ANKRD34C: variants seen among roughly 807,000 people sequenced by gnomAD.
ANKRD34C encodes the protein ankyrin repeat domain-containing protein 34C.
For synonymous variants in ANKRD34C, 260 were observed against 253.6 expected, an observed-to-expected ratio of 1.03 and a Z score of -0.24; for missense variants, 563 against 653.0, an observed-to-expected ratio of 0.86 and a Z score of 1.50.
intron 1 of ANKRD34C, among the ~76,000 whole-genome samples, chr15:79,288,254 T>G (rs1230500981): frequency 6.6e-6 from 1 of 152,046 alleles, no homozygotes; most frequent in Non-Finnish European, 1.5e-5. Flanking sequence ...GGAGTAGGAA[T>G]GAAGGAAAAT....
chr15:79,297,889 G>A lies in ANKRD34C; in HGVS notation c.*2997G>A, dbSNP rs1009708441. 6.0e-6 allele frequency: 1 copy of A among 166,230 alleles called. No homozygotes were observed. The highest frequency in any genetic ancestry group is 1.5e-5 in the Non-Finnish European group (1 of 68,106). The allele number at this position is 166,230 out of a possible 1,614,324, so 10.3% of individuals were successfully genotyped here. On this transcript the variant is annotated 3_prime_UTR_variant, in exon 2 of 2. Transcript: ENST00000421388. Reference sequence around the variant, plus strand: ...TAATTCAACTGCTTAAGCATTTCTGGACTGTTTATCAAAATATATTACAGA... The same window carrying A: ...TAATTCAACTGCTTAAGCATTTCTGAACTGTTTATCAAAATATATTACAGA...
chr15:79,285,132 A>T (rs1164287341), intron 1 of ANKRD34C, among the ~76,000 whole-genome samples: 1 of 152,256 alleles, frequency 6.6e-6, no homozygotes, highest in East Asian at 1.9e-4. Context: ...GTGAAACAAG[A>T]TTAAGGCTAT....
intron 1 of ANKRD34C, chr15:79,283,513 G>A (rs1327966966): frequency 6.6e-6 from 1 of 152,346 alleles, no homozygotes; most frequent in Non-Finnish European, 1.5e-5. Flanking sequence ...AGGGACTGAA[G>A]GGGAAGAAAG....
intron 1 of ANKRD34C, among the ~76,000 whole-genome samples, chr15:79,291,248 G>C (rs8031173): frequency 0.043 from 6,543 of 152,280 alleles, 486 homozygotes; most frequent in African/African-American, 0.15. Context: ...AAAAACACAT[G>C]AAGAATCGTG....
rs2141198686 is a variant in ANKRD34C at position 79,283,215 on chromosome 15, A to G, written c.-58A>G. On this transcript the variant is annotated 5_prime_UTR_variant, in exon 1 of 2. Coordinates refer to ENST00000421388, the MANE Select transcript of ANKRD34C (RefSeq NM_001146341.2). The stretch of plus-strand genomic sequence containing the variant: ...TGGACCCAGGTGGCCTCGCTCGGCG[A>G]TTGTCCCCACCAGGTAAGCGCACCC... Among the ~76,000 whole-genome samples the G allele has an allele frequency of 6.6e-6, 1 of 152,262 alleles. No homozygotes were observed. The highest frequency in any genetic ancestry group is 2.4e-5 in the African/African-American group (1 of 41,568).
intron 1 of ANKRD34C, 72 bp from the exon 2 acceptor site, chr15:79,293,169 C>A (rs2058663837): frequency 8.7e-7 from 1 of 1,155,116 alleles, no homozygotes; most frequent in Non-Finnish European, 1.2e-6. Context: ...TGTACCCAGA[C>A]CCCGTAATAA....
rs994394957 is a variant in ANKRD34C at position 79,285,699 on chromosome 15, A to C, written c.-45+2471A>C. ...CAATTGTAAGACTACGGAGAATGAC[A>C]GGGCCTTTTCAAACTGAAGAGTGAA... On this transcript the variant is annotated intron_variant, in intron 1 of 1. Coordinates refer to ENST00000421388, the MANE Select transcript of ANKRD34C (RefSeq NM_001146341.2). Among the ~76,000 whole-genome samples, 3 of 152,226 alleles carry C rather than the reference A, an allele frequency of 2.0e-5. No homozygotes were observed. In the South Asian group the frequency reaches 6.2e-4, roughly 32 times the overall value.
rs2058633231 is a variant in ANKRD34C, at chr15:79,283,137, GC to G, written c.-135del. On this transcript the variant is annotated 5_prime_UTR_variant, in exon 1 of 2. Coordinates refer to ENST00000421388, the MANE Select transcript of ANKRD34C (RefSeq NM_001146341.2). ...CCAACCCGCAGCTGCAGGTAGGGGT[GC>G]TGGACGCCCCCTGATTTTGTTTTGG... Among the ~76,000 whole-genome samples the G allele has an allele frequency of 6.6e-6, 1 of 152,234 alleles. No individual in the cohort carries two copies. Among genetic ancestry groups the G allele is most frequent in the Non-Finnish European group, 1.5e-5 (1 of 68,034 alleles).
chr15:79,286,902 CCAT>C (rs1289494264), intron 1 of ANKRD34C, among the ~76,000 whole-genome samples: 1 of 152,202 alleles, frequency 6.6e-6, no homozygotes, highest in Non-Finnish European at 1.5e-5. Flanking sequence ...CCCACCACCA[CCAT>C]GCACTAACCA....
intron 1 of ANKRD34C, among the ~76,000 whole-genome samples, chr15:79,284,774 T>C (rs1261088976): frequency 1.3e-5 from 2 of 152,172 alleles, no homozygotes; most frequent in East Asian, 1.9e-4. Flanking sequence ...TTCTACTTGT[T>C]TGGCAAAATG....
At chr15:79,287,106 C>A (rs1215079566) in intron 1 of ANKRD34C, among the ~76,000 whole-genome samples, 1 of 152,154 alleles carries the variant, frequency 6.6e-6, no homozygotes, top group Non-Finnish European at 1.5e-5. Flanking sequence ...CTCATGTCTC[C>A]TTGTTTTATA....
intron 1 of ANKRD34C, among the ~76,000 whole-genome samples, chr15:79,289,388 G>GA (rs2058653830): frequency 6.6e-6 from 1 of 152,196 alleles, no homozygotes; most frequent in Non-Finnish European, 1.5e-5. Flanking sequence ...CCACAGAAAA[G>GA]AACCTGTATG....
In ANKRD34C at chr15:79,294,434, A is replaced by G. The variant is rs1159177579; in HGVS notation, c.1150A>G (p.Ile384Val). ...GGAAAATGACCTCTATGACTTAGAT[A>G]TACAGCCAGGGCCTGACCCTCCCAA... ...WLENDLYDLDIQPGPDPPNSI... is the reference protein window; with the variant it reads ...WLENDLYDLDVQPGPDPPNSI... The change falls in exon 2 of 2, where the codon ATA becomes GTA. Residue 384 changes from isoleucine to valine, a missense_variant. Ile to Val is a conservative substitution (Grantham distance 29, BLOSUM62 3). Coordinates refer to ENST00000421388, the MANE Select transcript of ANKRD34C (RefSeq NM_001146341.2). 2 of 1,551,698 alleles carry G rather than the reference A, an allele frequency of 1.3e-6. No individual in the cohort carries two copies. Among genetic ancestry groups the G allele is most frequent in the Admixed American group, 2.0e-5 (1 of 51,006 alleles).
At position 79,296,245 on chromosome 15, in the gene ANKRD34C, G is replaced by A. The variant is rs972651431; in HGVS notation, c.*1353G>A. 3 of 166,660 alleles carry A rather than the reference G, an allele frequency of 1.8e-5. No homozygotes were observed. The highest frequency in any genetic ancestry group is 4.4e-5 in the Non-Finnish European group (3 of 68,112). The allele number at this position is 166,660 out of a possible 1,614,324, so 10.3% of individuals were successfully genotyped here. A position where few individuals can be genotyped will look rare whatever the true frequency, so the allele number is the denominator to read the frequency against. On this transcript the variant is annotated 3_prime_UTR_variant, in exon 2 of 2. Coordinates refer to ENST00000421388, the MANE Select transcript of ANKRD34C (RefSeq NM_001146341.2). ...TCATTTACCAGCTGCGTGACCTTGA[G>A]GAGGCAGCTTAACTTCTCTTAGTCT...
In ANKRD34C at chr15:79,294,264, C is replaced by A; in HGVS notation, c.980C>A (p.Ala327Glu). ...VLKIPVSSAP[A>E]SWKAAYEKGQ... ...AAGATTCCAGTCTCTTCAGCACCGGCATCCTGGAAAGCAGCCTATGAGAAA... is the reference window on the plus strand; with the variant it reads ...AAGATTCCAGTCTCTTCAGCACCGGAATCCTGGAAAGCAGCCTATGAGAAA... Residue 327 changes from alanine to glutamate, a missense_variant, in exon 2 of 2, where the codon GCA (alanine) becomes GAA (glutamate). Transcript: ENST00000421388. The A allele has an allele frequency of 6.4e-7, 1 of 1,551,670 alleles. No homozygotes were observed. Among genetic ancestry groups the A allele is most frequent in the Non-Finnish European group, 8.7e-7 (1 of 1,146,972 alleles).
chr15:79,286,031 T>A (rs974454098), intron 1 of ANKRD34C, among the ~76,000 whole-genome samples: 2 of 152,172 alleles, frequency 1.3e-5, no homozygotes, highest in Non-Finnish European at 2.9e-5. Context: ...ATCAGGACAA[T>A]AATAGCAAAC....
intron 1 of ANKRD34C, among the ~76,000 whole-genome samples, chr15:79,291,589 C>T (rs925748936): frequency 1.7e-5 from 2 of 118,488 alleles, no homozygotes; most frequent in East Asian, 6.2e-4. Flanking sequence ...CACACACACA[C>T]ACACACACAC....
rs78265945 is a variant in ANKRD34C, at chr15:79,285,629, A to C, written c.-45+2401A>C. On this transcript the variant is annotated intron_variant, in intron 1 of 1. Transcript: ENST00000421388. ...ATTTTACTTTCATACACAAACCCGC[A>C]TCCCTATACAGGCCAGTTAAGTAAC... Among the ~76,000 whole-genome samples the C allele has an allele frequency of 3.4e-3, 521 of 152,330 alleles. 4 individuals carry two copies. Among genetic ancestry groups the C allele is most frequent in the East Asian group, 0.026 (137 of 5,190 alleles).
Position 79,294,470 on chromosome 15 carries a change from C to G in ANKRD34C, c.1186C>G (p.Leu396Val), listed in dbSNP as rs764698533. ...GCCTGACCCTCCCAACTCCATTTCC[C>G]TTGAATCCGGCAAAGGACCTTTAGA... ...PGPDPPNSISLESGKGPLDRK... is the reference protein window; with the variant it reads ...PGPDPPNSISVESGKGPLDRK... The change falls in exon 2 of 2, where the codon CTT becomes GTT. Residue 396 changes from leucine to valine, a missense_variant. Coordinates refer to ENST00000421388, the MANE Select transcript of ANKRD34C (RefSeq NM_001146341.2). 31 of 1,551,594 alleles carry G rather than the reference C, an allele frequency of 2.0e-5. 1 individual carries two copies. In the South Asian group the frequency reaches 3.6e-4, roughly 18 times the overall value.
Sources: allele counts gnomAD v4.1 joint callset (sites outside exome capture counted in the v4.1 genomes callset), GRCh38; gene constraint gnomAD v4.1.1; transcripts MANE v1.5; gene names NCBI Gene and HGNC (gene_info 2026-07-23, HGNC 2026-07-21).